Variants in CARMIL2 observed in about 807,000 individuals in gnomAD.
CARMIL2 encodes the protein capping protein, Arp2/3 and myosin-I linker protein 2.
A neutral mutation model predicts 173.3 loss-of-function variants in CARMIL2; 96 were observed. The ratio of observed to expected loss-of-function variants is 0.55; its 90% CI spans 0.47 to 0.66. CARMIL2 has a LOEUF of 0.66. Among genes scored for constraint, CARMIL2 ranks in the 30% least tolerant of loss-of-function variants. The pLI is 0.00. For missense variants in CARMIL2, 1,771 were observed against 1,906.7 expected, an observed-to-expected ratio of 0.93 and a Z score of 1.33; for synonymous variants, 830 against 817.1, an observed-to-expected ratio of 1.02 and a Z score of -0.27.
In CARMIL2 at chr16:67,648,681, C is replaced by T. The variant is rs903631353; in HGVS notation, c.1440-4C>T. 58 of 1,603,932 alleles carry T rather than the reference C, an allele frequency of 3.6e-5. No individual in the cohort carries two copies. The highest frequency in any genetic ancestry group is 4.7e-5 in the Non-Finnish European group (55 of 1,175,786). On this transcript the variant is annotated splice_polypyrimidine_tract_variant and splice_region_variant and intron_variant, in intron 15 of 37. Coordinates refer to ENST00000334583, the MANE Select transcript of CARMIL2 (RefSeq NM_001013838.3). This position sits in a 1 kb window ranked among gnomAD's most constrained non-coding sequence, Gnocchi z 6.1. ...CCGCCACCCCGTGTAACGTCCTCTC[C>T]CAGAGCCCTTTTGGATGGCCTCGCG...
chr16:67,654,250 G>A lies in CARMIL2; in HGVS notation c.3221+1G>A, dbSNP rs2052790418. On this transcript the variant is annotated splice_donor_variant, in intron 30 of 37. Coordinates refer to ENST00000334583, the MANE Select transcript of CARMIL2 (RefSeq NM_001013838.3). LOFTEE classifies it high-confidence loss of function. The stretch of plus-strand genomic sequence containing the variant: ...AAAGGCTGATCCAGCAGGATCGCCT[G>A]TGAGTGAGGGGCATCTGCTGGGGGT... 6.4e-7 allele frequency: 1 copy of A among 1,568,318 alleles called. No homozygotes were observed. The highest frequency in any genetic ancestry group is 8.7e-7 in the Non-Finnish European group (1 of 1,155,474).
rs372926181 is a variant in CARMIL2, at chr16:67,651,379, G to A, written c.2314-22G>A. 8.8e-6 allele frequency: 14 copies of A among 1,598,562 alleles called. No individual in the cohort carries two copies. The highest frequency in any genetic ancestry group is 1.2e-5 in the Non-Finnish European group (14 of 1,169,364). ...CTTAGTCAGGTGTCAGCTCGCAACT[G>A]CTTTTCCTCTTTGGCCCTCAGATTC... On this transcript the variant is annotated intron_variant, in intron 23 of 37. Transcript: ENST00000334583. This position sits in a 1 kb window ranked among gnomAD's most constrained non-coding sequence, Gnocchi z 4.2.
In CARMIL2 at chr16:67,645,542, G is replaced by A. The variant is rs1183634454; in HGVS notation, c.43G>A (p.Glu15Lys). 1 of 1,599,986 alleles carries A rather than the reference G, an allele frequency of 6.3e-7. No homozygotes were observed. The highest frequency in any genetic ancestry group is 1.1e-5 in the South Asian group (1 of 89,220). ...PDGISCELRG[E>K]ITRFLWPKEV... Reference sequence around the variant, plus strand: ...CCCAGCAGGCTGCCCTTCCACAGGCGAGATCACCAGGTTCCTGTGGCCCAA... The same window carrying A: ...CCCAGCAGGCTGCCCTTCCACAGGCAAGATCACCAGGTTCCTGTGGCCCAA... Residue 15 changes from glutamate (E) to lysine (K), a missense_variant and splice_region_variant, in exon 2 of 38, where the codon GAG (glutamate) becomes AAG (lysine). This residue lies in a region of CARMIL2 where 944 missense variants were observed against 975.6 expected (regional missense o/e 0.97). Transcript: ENST00000334583.
In CARMIL2 at chr16:67,651,616, T is replaced by C. The variant is rs753036186; in HGVS notation, c.2428-69T>C. 749 of 1,575,572 alleles carry C rather than the reference T, an allele frequency of 4.8e-4. No homozygotes were observed. Among genetic ancestry groups the C allele is most frequent in the Non-Finnish European group, 6.0e-4 (694 of 1,161,366 alleles). ...CCCCTGACTCAATATTCTGTTGGAG[T>C]TGGAGCCTCAAGCCAGCAGCCTGGT... On this transcript the variant is annotated intron_variant, in intron 24 of 37. Coordinates refer to ENST00000334583, the MANE Select transcript of CARMIL2 (RefSeq NM_001013838.3). This position sits in a 1 kb window ranked among gnomAD's most constrained non-coding sequence, Gnocchi z 4.2.
rs777567075 is a variant in CARMIL2 at position 67,647,839 on chromosome 16, C to T, written c.959-7C>T. 3 of 1,605,862 alleles carry T rather than the reference C, an allele frequency of 1.9e-6. No homozygotes were observed. Among genetic ancestry groups the T allele is most frequent in the South Asian group, 2.2e-5 (2 of 89,706 alleles). ...CCAACTGCTGAGTGACCCCGACCCA[C>T]CACCAGGAATGAGGGCTCTGGGCCG... is the stretch of plus-strand genomic sequence containing the variant. On this transcript the variant is annotated splice_polypyrimidine_tract_variant and splice_region_variant and intron_variant, in intron 12 of 37. Transcript: ENST00000334583.
At position 67,646,193 on chromosome 16, in the gene CARMIL2, T is replaced by C. The variant is rs756584051; in HGVS notation, c.257T>C (p.Phe86Ser). ...ALQETPPQVT[F>S]ELESLRELVL... Reference sequence around the variant, plus strand: ...GTAGTGCCCCTTCCCTAGGTCACCTTTGAGCTGGAGTCCCTGCGTGAGCTG... The same window carrying C: ...GTAGTGCCCCTTCCCTAGGTCACCTCTGAGCTGGAGTCCCTGCGTGAGCTG... The change falls in exon 5 of 38, where the codon TTT becomes TCT. Residue 86 changes from phenylalanine to serine, a missense_variant. Transcript: ENST00000334583. The surrounding 1 kb of genome is among the most constrained non-coding windows in gnomAD (Gnocchi z 4.6). The C allele has an allele frequency of 6.2e-7, 1 of 1,613,766 alleles. No homozygotes were observed. Among genetic ancestry groups the C allele is most frequent in the Non-Finnish European group, 8.5e-7 (1 of 1,179,846 alleles).
At position 67,649,561 on chromosome 16, in the gene CARMIL2, A is replaced by G. The variant is rs750622043; in HGVS notation, c.1861A>G (p.Met621Val). ...LTALDISGNA[M>V]GDAGAKLLAK... ...CGCGCTGGATATCAGCGGCAACGCC[A>G]TGGGGGACGCGGGCGCCAAGTTGCT... Residue 621 changes from methionine to valine, a missense_variant, in exon 20 of 38, where the codon ATG (methionine) becomes GTG (valine). By Grantham distance (21) the Met-to-Val change is conservative (BLOSUM62 1). This residue lies in a region of CARMIL2 where 944 missense variants were observed against 975.6 expected (regional missense o/e 0.97). Transcript: ENST00000334583. The surrounding 1 kb of genome is among the most constrained non-coding windows in gnomAD (Gnocchi z 6.7). 2.6e-5 allele frequency: 41 copies of G among 1,597,788 alleles called. No homozygotes were observed. Among genetic ancestry groups the G allele is most frequent in the Non-Finnish European group, 3.3e-5 (39 of 1,176,832 alleles).
chr16:67,648,635 T>C lies in CARMIL2; in HGVS notation c.1440-50T>C. On this transcript the variant is annotated intron_variant, in intron 15 of 37. Coordinates refer to ENST00000334583, the MANE Select transcript of CARMIL2 (RefSeq NM_001013838.3). The surrounding 1 kb of genome is among the most constrained non-coding windows in gnomAD (Gnocchi z 6.1). ...GGCCCTGCCTCCTTCGTTCGCACCC[T>C]GGAGCCCCCTGTCCCAGCTCCCGCC... The C allele has an allele frequency of 6.5e-7, 1 of 1,531,378 alleles. No homozygotes were observed. Among genetic ancestry groups the C allele is most frequent in the Non-Finnish European group, 8.9e-7 (1 of 1,128,450 alleles). The allele number at this position is 1,531,378 out of a possible 1,614,324, so 94.9% of individuals were successfully genotyped here.
chr16:67,651,727 C>T lies in CARMIL2; in HGVS notation c.2470C>T (p.Pro824Ser), dbSNP rs1198222913. 5 of 1,606,856 alleles carry T rather than the reference C, an allele frequency of 3.1e-6. No homozygotes were observed. Among genetic ancestry groups the T allele is most frequent in the Non-Finnish European group, 4.2e-6 (5 of 1,177,354 alleles). ...ACTGGACACAGCAAGGAGCCTCTGCCCACAGATGCTGCAGGGATCCAGCTG... is the reference window on the plus strand; with the variant it reads ...ACTGGACACAGCAAGGAGCCTCTGCTCACAGATGCTGCAGGGATCCAGCTG... ...ATLDTARSLC[P>S]QMLQGSSWRE... The change falls in exon 25 of 38, where the codon CCA (proline) becomes TCA (serine). Residue 824 changes from proline (P) to serine (S), a missense_variant. Around this residue, in one of 3 missense-constraint regions of CARMIL2, gnomAD observed 817 missense variants for 903.5 expected, o/e 0.90. Transcript: ENST00000334583. This position sits in a 1 kb window ranked among gnomAD's most constrained non-coding sequence, Gnocchi z 4.2.
In CARMIL2 at chr16:67,649,642, G is replaced by A. The variant is rs762429406; in HGVS notation, c.1919+23G>A. The A allele has an allele frequency of 8.1e-6, 12 of 1,485,020 alleles. 1 individual carries two copies. The South Asian group carries it at 1.3e-4, about 16-fold the overall frequency. 92.0% of individuals were successfully genotyped at this position (1,485,020 alleles called of 1,614,324 possible). A position where few individuals can be genotyped will look rare whatever the true frequency, so the allele number is the denominator to read the frequency against. The stretch of plus-strand genomic sequence containing the variant: ...CCGGTGGGCGGGGTCAGAGGGGTGG[G>A]ACCAGCGGGCAGGGGGCGCGGTGGA... On this transcript the variant is annotated intron_variant, in intron 20 of 37. Transcript: ENST00000334583. This position sits in a 1 kb window ranked among gnomAD's most constrained non-coding sequence, Gnocchi z 6.7.
chr16:67,649,997 C>A lies in CARMIL2; in HGVS notation c.2082+29C>A. The stretch of plus-strand genomic sequence containing the variant: ...GGCGTCCCCCTCTTCCCTTGCCCTT[C>A]TCTGCACGGTAACTCCGTCCCTCGG... On this transcript the variant is annotated intron_variant, in intron 21 of 37. Transcript: ENST00000334583. The surrounding 1 kb of genome is among the most constrained non-coding windows in gnomAD (Gnocchi z 6.7). The A allele has an allele frequency of 6.2e-7, 1 of 1,613,638 alleles. No homozygotes were observed. The highest frequency in any genetic ancestry group is 8.5e-7 in the Non-Finnish European group (1 of 1,179,786).
Position 67,646,472 on chromosome 16 carries a change from G to A in CARMIL2, c.421G>A (p.Glu141Lys), listed in dbSNP as rs1026186632. Reference protein sequence around the residue: ...PTPASMLARLERSSPSESTDP... With the variant: ...PTPASMLARLKRSSPSESTDP... Reference sequence around the variant, plus strand: ...ACCAGCCTCCATGCTGGCTCGGCTGGAGAGAAGCAGCCCCTCGGAGTCCAC... The same window carrying A: ...ACCAGCCTCCATGCTGGCTCGGCTGAAGAGAAGCAGCCCCTCGGAGTCCAC... The change falls in exon 6 of 38, where the codon GAG becomes AAG. Residue 141 changes from glutamate to lysine, a missense_variant. Around this residue, in one of 3 missense-constraint regions of CARMIL2, gnomAD observed 944 missense variants for 975.6 expected, o/e 0.97. Transcript: ENST00000334583. This position sits in a 1 kb window ranked among gnomAD's most constrained non-coding sequence, Gnocchi z 4.6. The A allele has an allele frequency of 2.5e-6, 4 of 1,613,550 alleles. No homozygotes were observed. Among genetic ancestry groups the A allele is most frequent in the Admixed American group, 1.7e-5 (1 of 59,996 alleles).
At chr16:67,655,956 A>G in intron 32 of CARMIL2, 75 bp from the exon 33 acceptor site, 2 of 1,526,210 alleles carry the variant, frequency 1.3e-6, no homozygotes, top group Admixed American at 2.0e-5. Context: ...GCAGGATTAT[A>G]AGAACAAGAA....
At position 67,651,863 on chromosome 16, in the gene CARMIL2, G is replaced by A. The variant is rs371823779; in HGVS notation, c.2588+18G>A. The A allele has an allele frequency of 2.1e-4, 334 of 1,612,852 alleles. 2 individuals carry two copies. In the African/African-American group the frequency reaches 3.8e-3, roughly 18 times the overall value. Reference sequence around the variant, plus strand: ...AGGCTCAGGTAGGCTGGATGGGGCTGGGCTGGGCAAGGCTGAGCAAAGCCA... The same window carrying A: ...AGGCTCAGGTAGGCTGGATGGGGCTAGGCTGGGCAAGGCTGAGCAAAGCCA... On this transcript the variant is annotated intron_variant, in intron 25 of 37. Transcript: ENST00000334583. This position sits in a 1 kb window ranked among gnomAD's most constrained non-coding sequence, Gnocchi z 4.2.
Position 67,654,093 on chromosome 16 carries a change from G to GGA in CARMIL2, c.3121-55_3121-54insAG. 4 of 1,069,106 alleles carry GGA rather than the reference G, an allele frequency of 3.7e-6. No homozygotes were observed. In the African/African-American group the frequency reaches 5.2e-5, roughly 14 times the overall value. 66.2% of individuals were successfully genotyped at this position (1,069,106 alleles called of 1,614,324 possible). On this transcript the variant is annotated intron_variant, in intron 29 of 37. Transcript: ENST00000334583. ...CAGGCTGCCGGCCGGGGGGGGGGGGGGGTAGAAGCCAGAGTTGCACTCAAC... is the reference window on the plus strand; with the variant it reads ...CAGGCTGCCGGCCGGGGGGGGGGGGGGAGGTAGAAGCCAGAGTTGCACTCAAC...
In CARMIL2 at chr16:67,649,099, C is replaced by G; in HGVS notation, c.1615C>G (p.Leu539Val). The change falls in exon 18 of 38, where the codon CTG becomes GTG. Residue 539 changes from leucine (L) to valine (V), a missense_variant. Physicochemically the swap from Leu to Val is conservative, Grantham distance 32. Coordinates refer to ENST00000334583, the MANE Select transcript of CARMIL2 (RefSeq NM_001013838.3). This position sits in a 1 kb window ranked among gnomAD's most constrained non-coding sequence, Gnocchi z 6.7. ...DNGFGSDMVT[L>V]VLAIGRSRSL... ...AGGCTTCGGCTCAGACATGGTGACT[C>G]TGGTGCTGGCCATCGGGAGAAGCCG... is the stretch of plus-strand genomic sequence containing the variant. The G allele has an allele frequency of 6.2e-7, 1 of 1,613,214 alleles. No individual in the cohort carries two copies. Among genetic ancestry groups the G allele is most frequent in the Non-Finnish European group, 8.5e-7 (1 of 1,179,690 alleles).
Position 67,648,790 on chromosome 16 carries a change from G to A in CARMIL2, c.1509+36G>A. ...GCCCCCAGAAGAGACCACACATTGG[G>A]AGAGGCGCTGGGAGGCGGAAGGGCA... is the stretch of plus-strand genomic sequence containing the variant. On this transcript the variant is annotated intron_variant, in intron 16 of 37. Coordinates refer to ENST00000334583, the MANE Select transcript of CARMIL2 (RefSeq NM_001013838.3). The surrounding 1 kb of genome is among the most constrained non-coding windows in gnomAD (Gnocchi z 6.1). The A allele has an allele frequency of 6.3e-7, 1 of 1,576,986 alleles. No homozygotes were observed. The highest frequency in any genetic ancestry group is 8.6e-7 in the Non-Finnish European group (1 of 1,162,020).
rs1026186632 is a variant in CARMIL2 at position 67,646,472 on chromosome 16, G to T, written c.421G>T (p.Glu141Ter). 2 of 1,613,550 alleles carry T rather than the reference G, an allele frequency of 1.2e-6. No individual in the cohort carries two copies. Among genetic ancestry groups the T allele is most frequent in the Non-Finnish European group, 1.7e-6 (2 of 1,179,872 alleles). Residue 141 changes from glutamate to a stop codon, truncating the protein, a stop_gained, in exon 6 of 38, where the codon GAG (glutamate) becomes TAG (stop). Transcript: ENST00000334583. LOFTEE classifies it high-confidence loss of function. The surrounding 1 kb of genome is among the most constrained non-coding windows in gnomAD (Gnocchi z 4.6). ...ACCAGCCTCCATGCTGGCTCGGCTG[G>T]AGAGAAGCAGCCCCTCGGAGTCCAC... ...PTPASMLARL[E>*]RSSPSESTDP...
In CARMIL2 at chr16:67,654,811, G is replaced by GCTC; in HGVS notation, c.3618_3620dup (p.Pro1207dup). On this transcript the variant is annotated inframe_insertion, in exon 32 of 38. Transcript: ENST00000334583. ...CCTGGAGCGGGGAGAAACAGAACTG[G>GCTC]CTCCATCCTTTGAACAGCGGGTACA... 6.2e-7 allele frequency: 1 copy of GCTC among 1,613,588 alleles called. No individual in the cohort carries two copies. Among genetic ancestry groups the GCTC allele is most frequent in the East Asian group, 2.2e-5 (1 of 44,884 alleles).
Sources: allele counts gnomAD v4.1 joint callset, GRCh38; gene constraint gnomAD v4.1.1; regional missense constraint gnomAD v4.1.1; non-coding constraint Gnocchi (gnomAD v3.1); transcripts MANE v1.5; gene names NCBI Gene and HGNC (gene_info 2026-07-23, HGNC 2026-07-21).